Variants in PLCB1 observed in about 807,000 individuals in gnomAD.
The protein encoded by PLCB1 is phospholipase C beta 1.
PLCB1 carries 46 observed loss-of-function variants against 161.8 expected under a neutral mutation model. That is an observed-to-expected ratio of 0.28 (90% CI 0.22 to 0.36). The LOEUF is 0.36. Among genes scored for constraint, PLCB1 ranks in the 10% least tolerant of loss-of-function variants. PLCB1 has a pLI of 1.00. For synonymous variants in PLCB1, 517 were observed against 503.7 expected (o/e 1.03, Z -0.35); for missense variants, 1,016 against 1,472.5 (o/e 0.69, Z 5.07).
At chr20:8,499,625 A>G (rs564645602) in intron 3 of PLCB1, among the ~76,000 whole-genome samples, 23 of 152,332 alleles carry the variant, frequency 1.5e-4, no homozygotes, top group Admixed American at 8.5e-4. Context: ...ATGTGCCAAT[A>G]TCTACCCTTT....
chr20:8,339,921 C>G (rs1283384059), intron 2 of PLCB1, among the ~76,000 whole-genome samples: 3 of 152,082 alleles, frequency 2.0e-5, no homozygotes, highest in Non-Finnish European at 2.9e-5. Context: ...GTGATCACAC[C>G]ACTGCACTTC....
chr20:8,396,925 A>G (rs963801025), intron 3 of PLCB1, among the ~76,000 whole-genome samples: 26 of 151,976 alleles, frequency 1.7e-4, no homozygotes, highest in African/African-American at 6.3e-4. Context: ...TGAGTAGACA[A>G]TTTCTGTTTT....
intron 27 of PLCB1, 86 bp from the exon 28 acceptor site, chr20:8,788,363 C>A: frequency 8.3e-7 from 1 of 1,209,760 alleles, no homozygotes; most frequent in South Asian, 1.4e-5. Context: ...GATATTCTAA[C>A]TATAGATTCT....
intron 3 of PLCB1, among the ~76,000 whole-genome samples, chr20:8,431,637 T>TG (rs1980046901): frequency 6.6e-6 from 1 of 152,148 alleles, no homozygotes; most frequent in Admixed American, 6.6e-5. Context: ...TGTGCAATAT[T>TG]GGGGGACTTG....
chr20:8,170,531 G>C (rs985349853), intron 2 of PLCB1, among the ~76,000 whole-genome samples: 2 of 152,098 alleles, frequency 1.3e-5, no homozygotes, highest in Admixed American at 6.6e-5. Context: ...TCATTGCTTA[G>C]AACTTCTTAG....
intron 2 of PLCB1, among the ~76,000 whole-genome samples, chr20:8,215,976 A>G (rs1248427548): frequency 6.6e-6 from 1 of 152,062 alleles, no homozygotes; most frequent in Non-Finnish European, 1.5e-5. Flanking sequence ...ATCATTCAGT[A>G]ATTCAGTTTT....
At chr20:8,457,440 C>T (rs2036799215) in intron 3 of PLCB1, among the ~76,000 whole-genome samples, 1 of 152,130 alleles carries the variant, frequency 6.6e-6, no homozygotes, top group African/African-American at 2.4e-5. Context: ...TTTGTCCTCA[C>T]TTCTCTCCCC....
intron 3 of PLCB1, among the ~76,000 whole-genome samples, chr20:8,403,470 A>G (rs529846165): frequency 1.3e-5 from 2 of 152,328 alleles, no homozygotes; most frequent in African/African-American, 4.8e-5. Context: ...GGGAATCGTA[A>G]GAAGTGTTTG....
chr20:8,335,197 T>C (rs1034309540), intron 2 of PLCB1, among the ~76,000 whole-genome samples: 20 of 152,222 alleles, frequency 1.3e-4, no homozygotes, highest in Admixed American at 7.2e-4. Flanking sequence ...GGTGACATAG[T>C]ATACATAGTA....
rs752609524 is a variant in PLCB1 at position 8,514,445 on chromosome 20, C to CAA, written c.247-113833_247-113832dup. Reference sequence around the variant, plus strand: ...GGGCAACAGAGCGAGACTCCATCTCCAAAAAAAAAAAAAAAAAGGAAAAAA... The same window carrying CAA: ...GGGCAACAGAGCGAGACTCCATCTCCAAAAAAAAAAAAAAAAAAAGGAAAAAA... On this transcript the variant is annotated intron_variant, in intron 3 of 31. Transcript: ENST00000338037. Among the ~76,000 whole-genome samples the CAA allele has an allele frequency of 3.8e-3, 297 of 78,500 alleles. 1 individual carries two copies. In the Middle Eastern group the frequency reaches 0.073, roughly 19 times the overall value. The allele number at this position is 78,500 out of a possible 152,430, so 51.5% of individuals were successfully genotyped here. A position where few individuals can be genotyped will look rare whatever the true frequency, so the allele number is the denominator to read the frequency against.
At chr20:8,561,130 C>A (rs1275954006) in intron 3 of PLCB1, among the ~76,000 whole-genome samples, 1 of 151,710 alleles carries the variant, frequency 6.6e-6, no homozygotes. Context: ...GGGACTGTTC[C>A]AGGTAGAATG....
At chr20:8,289,893 G>A (rs1049525134) in intron 2 of PLCB1, among the ~76,000 whole-genome samples, 1 of 152,208 alleles carries the variant, frequency 6.6e-6, no homozygotes, top group African/African-American at 2.4e-5. Flanking sequence ...GTGAGTGCCA[G>A]TGCCTAATAG....
chr20:8,684,171 A>T (rs1036459384), intron 9 of PLCB1, among the ~76,000 whole-genome samples: 4 of 152,200 alleles, frequency 2.6e-5, no homozygotes, highest in Non-Finnish European at 4.4e-5. Flanking sequence ...GGCGTGAGCC[A>T]CCGCGCCCAG....
intron 31 of PLCB1, among the ~76,000 whole-genome samples, chr20:8,842,559 G>A (rs1473210071): frequency 6.6e-6 from 1 of 152,148 alleles, no homozygotes; most frequent in African/African-American, 2.4e-5. Flanking sequence ...CTCAGACACC[G>A]AGTTGTAGAA....
intron 3 of PLCB1, among the ~76,000 whole-genome samples, chr20:8,425,870 GAA>G (rs35337946): frequency 1.4e-5 from 2 of 144,562 alleles, no homozygotes; most frequent in African/African-American, 2.5e-5. Flanking sequence ...TCCAATTTCA[GAA>G]AAAAAAAAAA....
At chr20:8,766,285 T>C (rs1280257959) in intron 26 of PLCB1, among the ~76,000 whole-genome samples, 1 of 152,082 alleles carries the variant, frequency 6.6e-6, no homozygotes, top group African/African-American at 2.4e-5. Context: ...ATGAGGACTA[T>C]CAAGGAAAGA....
At position 8,289,871 on chromosome 20, in the gene PLCB1, A is replaced by G. The variant is rs1387003149; in HGVS notation, c.178-81511A>G. ...TGACAGTGTTTCCCAATGGCTTGAA[A>G]GTAACTAATGAGTGAGTGCCAGTGC... On this transcript the variant is annotated intron_variant, in intron 2 of 31. Coordinates refer to ENST00000338037, the MANE Select transcript of PLCB1 (RefSeq NM_015192.4). Among the ~76,000 whole-genome samples the G allele has an allele frequency of 1.4e-4, 21 of 152,328 alleles. No homozygotes were observed. In the East Asian group the frequency reaches 1.5e-3, roughly 11 times the overall value.
intron 3 of PLCB1, among the ~76,000 whole-genome samples, chr20:8,606,897 A>G (rs1402546999): frequency 1.3e-5 from 2 of 152,176 alleles, no homozygotes; most frequent in Non-Finnish European, 2.9e-5. Flanking sequence ...CTTTTGGATC[A>G]GTTTTGGTAA....
chr20:8,148,600 A>G (rs1239230695), intron 1 of PLCB1, among the ~76,000 whole-genome samples: 4 of 152,222 alleles, frequency 2.6e-5, no homozygotes, highest in Non-Finnish European at 5.9e-5. Context: ...TTGTGCCCCT[A>G]TGTTCATAAC....
Sources: gnomAD v4.1 joint callset for allele counts (sites outside exome capture counted in the v4.1 genomes callset) on GRCh38, gnomAD v4.1.1 for gene constraint, MANE v1.5 for transcripts, NCBI Gene and HGNC (gene_info 2026-07-23, HGNC 2026-07-21) for gene names.